SPECC1: variants seen among roughly 807,000 people sequenced by gnomAD.
SPECC1 encodes sperm antigen with calponin homology and coiled-coil domains 1, also known as cytospin-B.
A neutral mutation model predicts 104.1 loss-of-function variants in SPECC1; 62 were observed. That is an observed-to-expected ratio of 0.60 (90% confidence interval 0.49 to 0.74). The LOEUF is 0.74. Among genes scored for constraint, SPECC1 ranks in the 30% least tolerant of loss-of-function variants. The pLI is 0.00. For missense variants in SPECC1, 1,306 were observed against 1,310.5 expected, an observed-to-expected ratio of 1.00 and a Z score of 0.05; for synonymous variants, 513 against 501.6, an observed-to-expected ratio of 1.02 and a Z score of -0.30.
chr17:20,294,815 G>A (rs563023095), intron 12 of SPECC1, among the ~76,000 whole-genome samples: 7 of 152,098 alleles, frequency 4.6e-5, no homozygotes, highest in Admixed American at 4.6e-4. Flanking sequence ...ATATCTTTGA[G>A]CCTTTAATGA....
chr17:20,285,193 C>T (rs373451497), intron 12 of SPECC1, among the ~76,000 whole-genome samples: 19 of 152,326 alleles, frequency 1.2e-4, no homozygotes, highest in African/African-American at 3.8e-4. Context: ...GAAGCAAATG[C>T]GCAGGCTGTG....
chr17:20,270,486 G>A (rs1325012923), intron 12 of SPECC1, among the ~76,000 whole-genome samples: 3 of 139,476 alleles, frequency 2.2e-5, no homozygotes, highest in African/African-American at 8.1e-5. Context: ...GGCTACGATG[G>A]TGTACACCTG....
At chr17:20,154,552 G>A (rs73301538) in intron 3 of SPECC1, among the ~76,000 whole-genome samples, 8,294 of 152,256 alleles carry the variant, frequency 0.054, 730 homozygotes, top group African/African-American at 0.19. Flanking sequence ...TCACTGATGG[G>A]GGAAGAGGAG....
chr17:20,269,788 G>A (rs774944219), intron 12 of SPECC1, among the ~76,000 whole-genome samples: 6 of 152,182 alleles, frequency 3.9e-5, no homozygotes, highest in Non-Finnish European at 8.8e-5. Flanking sequence ...GGGACTTCCT[G>A]CCCTGTGCCT....
At chr17:20,298,921 A>AAGAGGGAGAG in intron 13 of SPECC1, among the ~76,000 whole-genome samples, 1 of 72,792 alleles carries the variant, frequency 1.4e-5, no homozygotes, top group Admixed American at 1.4e-4. Context: ...GCAGAACCAA[A>AAGAGGGAGAG]AGAGAGAGAG....
intron 12 of SPECC1, among the ~76,000 whole-genome samples, chr17:20,285,586 G>A (rs1242336058): frequency 2.0e-5 from 3 of 152,084 alleles, no homozygotes; most frequent in East Asian, 3.8e-4. Flanking sequence ...TTAGTAACTA[G>A]CATTTCCCTG....
intron 3 of SPECC1, among the ~76,000 whole-genome samples, chr17:20,198,640 C>T (rs183477310): frequency 8.7e-4 from 132 of 152,326 alleles, no homozygotes; most frequent in African/African-American, 2.4e-3. Context: ...TTTACTGAGA[C>T]GGGCCTCTAA....
chr17:20,021,010 C>T (rs140793405), intron 1 of SPECC1, among the ~76,000 whole-genome samples: 143 of 152,154 alleles, frequency 9.4e-4, no homozygotes, highest in African/African-American at 3.2e-3. Flanking sequence ...ATTTATTTTG[C>T]GTGTGATGTG....
intron 4 of SPECC1, among the ~76,000 whole-genome samples, chr17:20,214,666 C>T (rs752774393): frequency 9.9e-5 from 15 of 152,172 alleles, no homozygotes; most frequent in Non-Finnish European, 1.8e-4. Context: ...TGCCACCACG[C>T]CCAGCTAACT....
At chr17:20,156,617 C>A (rs1383329763) in intron 3 of SPECC1, among the ~76,000 whole-genome samples, 1 of 152,024 alleles carries the variant, frequency 6.6e-6, no homozygotes, top group Admixed American at 6.5e-5. Flanking sequence ...CCCTGTCGGC[C>A]GCCGGCCCCG....
At chr17:20,194,907 A>C (rs1437149711) in intron 3 of SPECC1, among the ~76,000 whole-genome samples, 1 of 152,210 alleles carries the variant, frequency 6.6e-6, no homozygotes, top group Non-Finnish European at 1.5e-5. Flanking sequence ...GTAGAGAGAA[A>C]CAAATATGCT....
intron 12 of SPECC1, among the ~76,000 whole-genome samples, chr17:20,287,288 G>A (rs1461945099): frequency 1.3e-5 from 2 of 151,846 alleles, no homozygotes; most frequent in South Asian, 2.1e-4. Context: ...GCGGTGGCGG[G>A]CGCCTGTAGT....
chr17:20,141,439 A>C (rs1419947434), intron 3 of SPECC1, among the ~76,000 whole-genome samples: 1 of 152,216 alleles, frequency 6.6e-6, no homozygotes, highest in Non-Finnish European at 1.5e-5. Flanking sequence ...CCCAGGCTTC[A>C]GTCATGCTAA....
intron 1 of SPECC1, among the ~76,000 whole-genome samples, chr17:20,013,003 G>A (rs1567792267): frequency 6.6e-6 from 1 of 152,042 alleles, no homozygotes; most frequent in African/African-American, 2.4e-5. Context: ...TGCCCTCAAG[G>A]TTCATCCATG....
chr17:20,037,492 T>C (rs1183929297), intron 1 of SPECC1, among the ~76,000 whole-genome samples: 4 of 151,868 alleles, frequency 2.6e-5, no homozygotes, highest in Non-Finnish European at 5.9e-5. Flanking sequence ...GTGCTTCTTT[T>C]TTTTTTTTTT....
intron 3 of SPECC1, among the ~76,000 whole-genome samples, chr17:20,203,637 T>G (rs2036578150): frequency 6.6e-6 from 1 of 152,274 alleles, no homozygotes; most frequent in South Asian, 2.1e-4. Flanking sequence ...GATTTCTTAA[T>G]CAAATTTATG....
intron 10 of SPECC1, among the ~76,000 whole-genome samples, chr17:20,255,902 C>T (rs1201308968): frequency 1.3e-5 from 2 of 148,600 alleles, no homozygotes; most frequent in Non-Finnish European, 3.0e-5. Context: ...TTTTGAGATG[C>T]AGTCTTGCTC....
At chr17:20,183,334 C>G (rs2035038937) in intron 3 of SPECC1, among the ~76,000 whole-genome samples, 3 of 152,138 alleles carry the variant, frequency 2.0e-5, no homozygotes, top group Non-Finnish European at 1.5e-5. Context: ...AAATATGTTT[C>G]TCTTGAGGAA....
chr17:20,099,791 G>A (rs938862976), intron 2 of SPECC1, among the ~76,000 whole-genome samples: 13 of 151,510 alleles, frequency 8.6e-5, no homozygotes, highest in African/African-American at 2.9e-4. Flanking sequence ...ATGAGATGCT[G>A]GACACTTCTC....
Sources: allele counts gnomAD v4.1 joint callset (sites outside exome capture counted in the v4.1 genomes callset), GRCh38; gene constraint gnomAD v4.1.1; transcripts MANE v1.5; gene names NCBI Gene and HGNC (gene_info 2026-07-23, HGNC 2026-07-21).